ENTPD7: variants seen among roughly 807,000 people sequenced by gnomAD.
ENTPD7 encodes ectonucleoside triphosphate diphosphohydrolase 7, also known as NTPDase 7.
A neutral mutation model predicts 77.9 loss-of-function variants in ENTPD7; 53 were observed. That is an observed-to-expected ratio of 0.68 (90% CI 0.55 to 0.85). The LOEUF is 0.85. Ranked by LOEUF, ENTPD7 falls within the 40% of genes least tolerant of loss-of-function variation. The pLI is 0.00. For synonymous variants in ENTPD7, 248 were observed against 274.9 expected (o/e 0.90, Z 0.97); for missense variants, 636 against 743.7 (o/e 0.86, Z 1.68).
chr10:99,704,940 C>T lies in ENTPD7; in HGVS notation c.*257C>T, dbSNP rs2036223142. The T allele has an allele frequency of 4.0e-6, 2 of 501,636 alleles. No homozygotes were observed. Among genetic ancestry groups the T allele is most frequent in the African/African-American group, 1.9e-5 (1 of 52,056 alleles). The allele number at this position is 501,636 out of a possible 1,614,324, so 31.1% of individuals were successfully genotyped here. ...GGGACCAAGCTTTGTCCAAGTGAAGCAGGCTTCGACTCCTTCTGAGAGGTC... is the reference window on the plus strand; with the variant it reads ...GGGACCAAGCTTTGTCCAAGTGAAGTAGGCTTCGACTCCTTCTGAGAGGTC... On this transcript the variant is annotated 3_prime_UTR_variant, in exon 13 of 13. Transcript: ENST00000370489.
chr10:99,665,256 G>A (rs113328469), intron 3 of ENTPD7, among the ~76,000 whole-genome samples: 144 of 142,182 alleles, frequency 1.0e-3, no homozygotes, highest in Non-Finnish European at 1.1e-3. Flanking sequence ...CTGTCTCAAA[G>A]AAAAAAAAAA....
intron 10 of ENTPD7, 25 bp downstream of exon 10, chr10:99,698,883 C>T (rs1234998502): frequency 1.9e-6 from 3 of 1,561,590 alleles, no homozygotes; most frequent in South Asian, 1.2e-5. Flanking sequence ...ATAAACATGG[C>T]TTATGCTGGC....
At chr10:99,701,647 A>G (rs2133518503) in intron 11 of ENTPD7, among the ~76,000 whole-genome samples, 1 of 152,224 alleles carries the variant, frequency 6.6e-6, no homozygotes, top group South Asian at 2.1e-4. Flanking sequence ...AGAAAAGTAG[A>G]GAGAATAGCA....
intron 8 of ENTPD7, among the ~76,000 whole-genome samples, chr10:99,692,134 T>TA (rs1280535225): frequency 6.6e-6 from 1 of 152,230 alleles, no homozygotes; most frequent in Non-Finnish European, 1.5e-5. Context: ...AACTTATAAT[T>TA]TATCTGTCAG....
At chr10:99,662,827 C>T (rs2035503186) in intron 3 of ENTPD7, among the ~76,000 whole-genome samples, 1 of 152,220 alleles carries the variant, frequency 6.6e-6, no homozygotes, top group Non-Finnish European at 1.5e-5. Context: ...ATGGTATATG[C>T]ACCCTGTGCA....
In ENTPD7 at chr10:99,696,218, T is replaced by C; in HGVS notation, c.1010+96T>C. Reference sequence around the variant, plus strand: ...CATCCTCCTAAGACAGATAAGTCCCTGCTTCCTCCTTCTTTCTGACTACCC... The same window carrying C: ...CATCCTCCTAAGACAGATAAGTCCCCGCTTCCTCCTTCTTTCTGACTACCC... On this transcript the variant is annotated intron_variant, in intron 9 of 12. Coordinates refer to ENST00000370489, the MANE Select transcript of ENTPD7 (RefSeq NM_020354.5). 9 of 1,420,534 alleles carry C rather than the reference T, an allele frequency of 6.3e-6. No individual in the cohort carries two copies. In the South Asian group the frequency reaches 1.2e-4, roughly 20 times the overall value. The allele number at this position is 1,420,534 out of a possible 1,614,324, so 88.0% of individuals were successfully genotyped here.
intron 7 of ENTPD7, among the ~76,000 whole-genome samples, chr10:99,690,546 A>ATTT (rs34605992): frequency 1.4e-5 from 2 of 141,910 alleles, no homozygotes; most frequent in Non-Finnish European, 3.1e-5. Context: ...ATGTTTCATA[A>ATTT]TTTTTTTTTT....
chr10:99,678,971 C>T (rs2035718675), intron 3 of ENTPD7, among the ~76,000 whole-genome samples: 1 of 151,078 alleles, frequency 6.6e-6, no homozygotes, highest in African/African-American at 2.4e-5. Context: ...GCTACAAGCT[C>T]TAATGCTTGA....
At chr10:99,701,405 A>G (rs1456423515) in intron 11 of ENTPD7, among the ~76,000 whole-genome samples, 1 of 151,440 alleles carries the variant, frequency 6.6e-6, no homozygotes, top group Non-Finnish European at 1.5e-5. Flanking sequence ...CTCCTGCCTC[A>G]GCCCCCCAAG....
At chr10:99,669,579 A>T (rs184588466) in intron 3 of ENTPD7, among the ~76,000 whole-genome samples, 211 of 152,156 alleles carry the variant, frequency 1.4e-3, no homozygotes, top group Admixed American at 2.5e-3. Flanking sequence ...GTCAGTAAGG[A>T]TAGAATCCAA....
intron 2 of ENTPD7, chr10:99,660,382 A>C: frequency 1.7e-6 from 2 of 1,168,032 alleles, no homozygotes; most frequent in Non-Finnish European, 2.2e-6. Context: ...TTATCCATAC[A>C]TTATAATAAC....
intron 8 of ENTPD7, among the ~76,000 whole-genome samples, chr10:99,695,240 C>T (rs2035951001): frequency 6.6e-6 from 1 of 152,090 alleles, no homozygotes; most frequent in African/African-American, 2.4e-5. Flanking sequence ...GAAAAGGCCA[C>T]AGAACCGGGC....
At position 99,705,427 on chromosome 10, in the gene ENTPD7, CA is replaced by C. The variant is rs1161588067; in HGVS notation, c.*745del. Reference sequence around the variant, plus strand: ...TTATGTGCCTCACAGGCTGTTTGGGCATTAATTTTGCTTTTTGAGCCTTAAG... The same window carrying C: ...TTATGTGCCTCACAGGCTGTTTGGGCTTAATTTTGCTTTTTGAGCCTTAAG... On this transcript the variant is annotated 3_prime_UTR_variant, in exon 13 of 13. Transcript: ENST00000370489. The C allele has an allele frequency of 6.6e-6, 1 of 152,352 alleles. No individual in the cohort carries two copies. Among genetic ancestry groups the C allele is most frequent in the African/African-American group, 2.4e-5 (1 of 41,408 alleles). 9.4% of individuals were successfully genotyped at this position (152,352 alleles called of 1,614,324 possible).
At chr10:99,672,851 G>T (rs953019174) in intron 3 of ENTPD7, among the ~76,000 whole-genome samples, 7 of 152,122 alleles carry the variant, frequency 4.6e-5, no homozygotes, top group African/African-American at 1.7e-4. Flanking sequence ...ACTCATGGGG[G>T]CTACTTCAAT....
Position 99,659,975 on chromosome 10 carries a change from A to C in ENTPD7, c.8+11A>C. 6.2e-7 allele frequency: 1 copy of C among 1,613,926 alleles called. No homozygotes were observed. The highest frequency in any genetic ancestry group is 8.5e-7 in the Non-Finnish European group (1 of 1,179,972). On this transcript the variant is annotated intron_variant, in intron 2 of 12. Coordinates refer to ENST00000370489, the MANE Select transcript of ENTPD7 (RefSeq NM_020354.5). The surrounding 1 kb of genome is among the most constrained non-coding windows in gnomAD (Gnocchi z 4.1). ...GGAACCCATGGCTAGGTAAGGCTGC[A>C]CACTTTCCCTCCGGCTGGGAGCACG...
At position 99,709,412 on chromosome 10, in the gene ENTPD7, G is replaced by C. The variant is rs1304629229; in HGVS notation, c.*4729G>C. 7 of 985,278 alleles carry C rather than the reference G, an allele frequency of 7.1e-6. No individual in the cohort carries two copies. The highest frequency in any genetic ancestry group is 8.4e-6 in the Non-Finnish European group (7 of 829,938). The allele number at this position is 985,278 out of a possible 1,614,324, so 61.0% of individuals were successfully genotyped here. On this transcript the variant is annotated 3_prime_UTR_variant, in exon 13 of 13. Transcript: ENST00000370489. ...CCATATTAGTCTCTTAGGGACGCTA[G>C]CTCCAGATTCCAGCCCCTGGGGCAA...
At chr10:99,670,384 T>C (rs1242735219) in intron 3 of ENTPD7, among the ~76,000 whole-genome samples, 2 of 152,244 alleles carry the variant, frequency 1.3e-5, no homozygotes, top group Non-Finnish European at 2.9e-5. Context: ...TTGACAGTGC[T>C]AAGTGTACCA....
chr10:99,679,666 AG>A, intron 4 of ENTPD7, 58 bp from the exon 5 acceptor site: 1 of 1,553,108 alleles, frequency 6.4e-7, no homozygotes, highest in Non-Finnish European at 8.7e-7. Context: ...CAGTTTCCTG[AG>A]TCTTATGTGA....
intron 3 of ENTPD7, among the ~76,000 whole-genome samples, chr10:99,678,385 A>G (rs1022168780): frequency 3.3e-5 from 5 of 151,566 alleles, no homozygotes; most frequent in African/African-American, 1.2e-4. Flanking sequence ...GGAGAATGGC[A>G]TGAACCTGGG....
Sources: allele counts gnomAD v4.1 joint callset (sites outside exome capture counted in the v4.1 genomes callset), GRCh38; gene constraint gnomAD v4.1.1; non-coding constraint Gnocchi (gnomAD v3.1); transcripts MANE v1.5; gene names NCBI Gene and HGNC (gene_info 2026-07-23, HGNC 2026-07-21).